DESI2: variants seen among roughly 807,000 people sequenced by gnomAD.
DESI2 encodes desumoylating isopeptidase 2.
Under a neutral mutation model 24.1 loss-of-function variants are expected in DESI2, and 10 were observed. The observed-to-expected ratio is 0.41, with a 90% CI of 0.26 to 0.70. The LOEUF (loss-of-function observed/expected upper bound fraction) is 0.70, where lower values mean the gene tolerates loss of function less well. Ranked by LOEUF, DESI2 falls within the 30% of genes least tolerant of loss-of-function variation. The pLI is 0.29. For missense variants in DESI2, 122 were observed against 234.9 expected, an observed-to-expected ratio of 0.52 and a Z score of 3.14; for synonymous variants, 71 against 87.7, an observed-to-expected ratio of 0.81 and a Z score of 1.06.
At chr1:244,704,764 T>C (rs1046646723) in intron 4 of DESI2, among the ~76,000 whole-genome samples, 2 of 152,196 alleles carry the variant, frequency 1.3e-5, no homozygotes, top group Non-Finnish European at 2.9e-5. Context: ...GTTCAGGTGA[T>C]TCTCCTGCCC....
At chr1:244,683,562 C>T (rs1296858844) in intron 1 of DESI2, among the ~76,000 whole-genome samples, 7 of 152,198 alleles carry the variant, frequency 4.6e-5, no homozygotes, top group Non-Finnish European at 5.9e-5. Flanking sequence ...CCGCCCACCT[C>T]AGCCTCCCAA....
chr1:244,687,023 T>C (rs1254754039), intron 2 of DESI2, among the ~76,000 whole-genome samples: 1 of 152,160 alleles, frequency 6.6e-6, no homozygotes, highest in Admixed American at 6.5e-5. Flanking sequence ...ATTTCGAAAA[T>C]AGCATGATAA....
chr1:244,664,350 A>G (rs1243887865), intron 1 of DESI2, among the ~76,000 whole-genome samples: 2 of 152,216 alleles, frequency 1.3e-5, no homozygotes, highest in African/African-American at 4.8e-5. Flanking sequence ...AATTTTTTTC[A>G]TTAAGATGTA....
At chr1:244,690,024 G>A (rs1676965634) in intron 3 of DESI2, among the ~76,000 whole-genome samples, 1 of 152,222 alleles carries the variant, frequency 6.6e-6, no homozygotes, top group Non-Finnish European at 1.5e-5. Flanking sequence ...ATATATGGAT[G>A]TAAGTGTTCA....
At chr1:244,697,031 A>G (rs1025681066) in intron 4 of DESI2, among the ~76,000 whole-genome samples, 2 of 152,100 alleles carry the variant, frequency 1.3e-5, no homozygotes, top group African/African-American at 4.8e-5. Context: ...TTAGGAGAGG[A>G]TCCTTAAAGC....
intron 2 of DESI2, among the ~76,000 whole-genome samples, chr1:244,688,431 T>G (rs1386570598): frequency 6.6e-6 from 1 of 152,228 alleles, no homozygotes; most frequent in African/African-American, 2.4e-5. Flanking sequence ...CTGCCTGTTC[T>G]TTCCTGTGCT....
chr1:244,682,763 G>C (rs542973929), intron 1 of DESI2, among the ~76,000 whole-genome samples: 4 of 152,162 alleles, frequency 2.6e-5, no homozygotes, highest in South Asian at 2.1e-4. Flanking sequence ...AAAGACAGGC[G>C]GGGGGCCAGA....
At chr1:244,685,227 G>A (rs928985410) in intron 1 of DESI2, among the ~76,000 whole-genome samples, 1 of 151,946 alleles carries the variant, frequency 6.6e-6, no homozygotes, top group Non-Finnish European at 1.5e-5. Context: ...TACTTAGGTT[G>A]TCTTTTCCCA....
chr1:244,678,881 A>G (rs993337980), intron 1 of DESI2, among the ~76,000 whole-genome samples: 1 of 152,226 alleles, frequency 6.6e-6, no homozygotes, highest in Non-Finnish European at 1.5e-5. Context: ...AGACCAAATT[A>G]TTGGTTGCAA....
At chr1:244,672,705 C>T (rs1021397199) in intron 1 of DESI2, among the ~76,000 whole-genome samples, 2 of 152,016 alleles carry the variant, frequency 1.3e-5, no homozygotes, top group Non-Finnish European at 2.9e-5. Flanking sequence ...GGTGAAACCC[C>T]ATCTCTACTG....
At chr1:244,702,888 A>G (rs1677526876) in intron 4 of DESI2, among the ~76,000 whole-genome samples, 1 of 152,202 alleles carries the variant, frequency 6.6e-6, no homozygotes, top group Non-Finnish European at 1.5e-5. Flanking sequence ...AACAGTCGCT[A>G]TCACATTAAC....
chr1:244,676,696 A>G (rs971016372), intron 1 of DESI2, among the ~76,000 whole-genome samples: 1 of 150,940 alleles, frequency 6.6e-6, no homozygotes, highest in African/African-American at 2.4e-5. Flanking sequence ...GAGGTTTTTC[A>G]TAGATGTTCT....
At chr1:244,660,793 T>C (rs1183450481) in intron 1 of DESI2, among the ~76,000 whole-genome samples, 1 of 152,246 alleles carries the variant, frequency 6.6e-6, no homozygotes, top group Non-Finnish European at 1.5e-5. Context: ...CCTCTCTAAA[T>C]TGTGATGTCA....
rs139107427 is a variant in DESI2, at chr1:244,696,439, T to C, written c.351+4419T>C. Among the ~76,000 whole-genome samples, 963 of 152,154 alleles carry C rather than the reference T, an allele frequency of 6.3e-3. 20 individuals are homozygous for C. The highest frequency in any genetic ancestry group is 0.038 in the East Asian group (194 of 5,166). ...AAGTTCAAGACGAGCTTGGGCAACA[T>C]GGCAAAACCCCATCTACAAAAAATA... On this transcript the variant is annotated intron_variant, in intron 4 of 4. Transcript: ENST00000302550.
intron 1 of DESI2, among the ~76,000 whole-genome samples, chr1:244,673,349 A>G (rs371042981): frequency 3.3e-5 from 5 of 152,224 alleles, no homozygotes; most frequent in African/African-American, 9.6e-5. Context: ...AAAAACATCT[A>G]ATTTATTCGC....
At chr1:244,663,111 A>G (rs1396652924) in intron 1 of DESI2, among the ~76,000 whole-genome samples, 1 of 152,160 alleles carries the variant, frequency 6.6e-6, no homozygotes, top group Admixed American at 6.5e-5. Flanking sequence ...TAGAAGGGTC[A>G]AAAGGATCAA....
At chr1:244,684,309 G>A (rs1676736587) in intron 1 of DESI2, among the ~76,000 whole-genome samples, 1 of 152,092 alleles carries the variant, frequency 6.6e-6, no homozygotes, top group South Asian at 2.1e-4. Flanking sequence ...AATCCTGAAT[G>A]TATGGAGCTA....
At position 244,689,854 on chromosome 1, in the gene DESI2, T is replaced by G. The variant is rs1012155374; in HGVS notation, c.209+512T>G. ...GATTTCTTCCCCTCAATCTCCTGTT[T>G]GAAAGGAGAAAAAGTTTTATTGTGA... On this transcript the variant is annotated intron_variant, in intron 3 of 4. Coordinates refer to ENST00000302550, the MANE Select transcript of DESI2 (RefSeq NM_016076.5). The surrounding 1 kb of genome is among the most constrained non-coding windows in gnomAD (Gnocchi z 4.0). Among the ~76,000 whole-genome samples, 4 of 152,082 alleles carry G rather than the reference T, an allele frequency of 2.6e-5. No individual in the cohort carries two copies. Among genetic ancestry groups the G allele is most frequent in the Non-Finnish European group, 4.4e-5 (3 of 68,022 alleles).
At chr1:244,674,889 C>T (rs933900105) in intron 1 of DESI2, among the ~76,000 whole-genome samples, 1 of 152,130 alleles carries the variant, frequency 6.6e-6, no homozygotes, top group African/African-American at 2.4e-5. Context: ...AATAAAATTG[C>T]TAGGTCATAT....
Sources: gnomAD v4.1 joint callset for allele counts (sites outside exome capture counted in the v4.1 genomes callset) on GRCh38, gnomAD v4.1.1 for gene constraint, Gnocchi (gnomAD v3.1) non-coding constraint, MANE v1.5 for transcripts, NCBI Gene and HGNC (gene_info 2026-07-23, HGNC 2026-07-21) for gene names.